SYNDIG1L: variants seen among roughly 807,000 people sequenced by gnomAD.
SYNDIG1L encodes synapse differentiation-inducing gene protein 1-like.
Under a neutral mutation model 20.1 loss-of-function variants are expected in SYNDIG1L, and 13 were observed. That is an observed-to-expected ratio of 0.65 (90% CI 0.42 to 1.03). SYNDIG1L has a LOEUF of 1.03. Among genes scored for constraint, SYNDIG1L ranks in the 50% least tolerant of loss-of-function variants. SYNDIG1L has a pLI of 0.00. For synonymous variants in SYNDIG1L, 128 were observed against 129.3 expected, an observed-to-expected ratio of 0.99 and a Z score of 0.07; for missense variants, 294 against 305.1, an observed-to-expected ratio of 0.96 and a Z score of 0.27.
chr14:74,440,830 A>G, the SYNDIG1L span, among the ~76,000 whole-genome samples: 1 of 152,254 alleles, frequency 6.6e-6, no homozygotes, highest in African/African-American at 2.4e-5. Context: ...ACTAGGCTTT[A>G]AGGCACATAG....
chr14:74,467,753 G>C, the SYNDIG1L span, among the ~76,000 whole-genome samples: 1 of 152,204 alleles, frequency 6.6e-6, no homozygotes, highest in Non-Finnish European at 1.5e-5. Flanking sequence ...GGCTGATGGG[G>C]GGTGTGACCC....
At chr14:74,457,705 C>T in the SYNDIG1L span, among the ~76,000 whole-genome samples, 2 of 152,098 alleles carry the variant, frequency 1.3e-5, no homozygotes, top group East Asian at 1.9e-4. Flanking sequence ...CAAAGCCATA[C>T]GCTCCATTTC....
chr14:74,409,474 A>C lies in SYNDIG1L; in HGVS notation c.271T>G (p.Phe91Val). 6.2e-7 allele frequency: 1 copy of C among 1,613,404 alleles called. No homozygotes were observed. Among genetic ancestry groups the C allele is most frequent in the Non-Finnish European group, 8.5e-7 (1 of 1,179,726 alleles). Residue 91 changes from phenylalanine to valine, a missense_variant, in exon 2 of 4, where the codon TTC becomes GTC. Phe to Val is a conservative substitution (Grantham distance 50, BLOSUM62 -1). Coordinates refer to ENST00000331628, the MANE Select transcript of SYNDIG1L (RefSeq NM_001105579.2). ...TCCTGGGGCTCCCTGTCCTCTGTGA[A>C]GCTTGTCTCACAGCTGCCTGCCCTG... ...EPRAGSCETS[F>V]TEDREPQEGP...
upstream of SYNDIG1L, among the ~76,000 whole-genome samples, chr14:74,429,321 G>A (rs559359396): frequency 1.1e-4 from 17 of 152,380 alleles, no homozygotes; most frequent in South Asian, 3.5e-3. Context: ...CATTCCTTAA[G>A]TGAAATCCAA....
At chr14:74,439,607 G>A in the SYNDIG1L span, among the ~76,000 whole-genome samples, 2 of 152,148 alleles carry the variant, frequency 1.3e-5, no homozygotes, top group Admixed American at 6.5e-5. Flanking sequence ...TAGGCCAGGC[G>A]CAGTGGCTCA....
Position 74,409,666 on chromosome 14 carries a change from C to T in SYNDIG1L, c.79G>A (p.Glu27Lys). ...AHLHGPYPYPETPPSWSCQEK... is the reference protein window; with the variant it reads ...AHLHGPYPYPKTPPSWSCQEK... ...TGGCAGGACCAGCTGGGTGGGGTCT[C>T]CGGGTAGGGATAGGGGCCATGGAGA... is the stretch of plus-strand genomic sequence containing the variant. Residue 27 changes from glutamate (E) to lysine (K), a missense_variant, in exon 2 of 4, where the codon GAG becomes AAG. Transcript: ENST00000331628. 6.7e-7 allele frequency: 1 copy of T among 1,496,966 alleles called. No individual in the cohort carries two copies. The highest frequency in any genetic ancestry group is 8.9e-7 in the Non-Finnish European group (1 of 1,124,000). 92.7% of individuals were successfully genotyped at this position (1,496,966 alleles called of 1,614,324 possible).
At chr14:74,469,698 C>A in the SYNDIG1L span, among the ~76,000 whole-genome samples, 1 of 152,164 alleles carries the variant, frequency 6.6e-6, no homozygotes, top group Admixed American at 6.5e-5. Context: ...TCAGGGGCTA[C>A]TTATGCTCAC....
chr14:74,461,649 TCA>T, the SYNDIG1L span, among the ~76,000 whole-genome samples: 8,111 of 152,116 alleles, frequency 0.053, 299 homozygotes, highest in Non-Finnish European at 0.079. Flanking sequence ...TAAACATGTT[TCA>T]GATTCACTCT....
the SYNDIG1L span, among the ~76,000 whole-genome samples, chr14:74,451,473 G>A: frequency 2.6e-5 from 4 of 152,210 alleles, no homozygotes; most frequent in Non-Finnish European, 5.9e-5. Flanking sequence ...AAAACTTGTA[G>A]AAGATGACAT....
At chr14:74,479,295 C>T in the SYNDIG1L span, 2 of 152,222 alleles carry the variant, frequency 1.3e-5, no homozygotes, top group Non-Finnish European at 2.9e-5. Flanking sequence ...ATGAAAAGAA[C>T]TGGATCAAAT....
the SYNDIG1L span, among the ~76,000 whole-genome samples, chr14:74,463,306 G>A: frequency 6.6e-6 from 1 of 152,108 alleles, no homozygotes; most frequent in African/African-American, 2.4e-5. Context: ...GCCCCTCCAT[G>A]GCTGTAGTCA....
intron 1 of SYNDIG1L, among the ~76,000 whole-genome samples, chr14:74,415,542 A>AT (rs1273768216): frequency 2.0e-5 from 3 of 151,844 alleles, no homozygotes; most frequent in East Asian, 1.9e-4. Context: ...AAATAATAAA[A>AT]TTTTTTTCTT....
intron 1 of SYNDIG1L, among the ~76,000 whole-genome samples, chr14:74,413,181 G>A (rs2086146250): frequency 6.6e-6 from 1 of 152,140 alleles, no homozygotes; most frequent in South Asian, 2.1e-4. Context: ...AGACTTTCTT[G>A]GTCAAAGTAC....
the SYNDIG1L span, chr14:74,476,147 C>A: frequency 2.3e-6 from 1 of 440,862 alleles, no homozygotes; most frequent in Non-Finnish European, 4.1e-6. Flanking sequence ...TATGTTGATC[C>A]ATTTGCAGTA....
chr14:74,447,022 C>T, the SYNDIG1L span, among the ~76,000 whole-genome samples: 1 of 152,226 alleles, frequency 6.6e-6, no homozygotes, highest in South Asian at 2.1e-4. Context: ...AGGAGGATAG[C>T]TTGAGCTAAG....
chr14:74,432,174 T>A, the SYNDIG1L span, among the ~76,000 whole-genome samples: 9 of 144,864 alleles, frequency 6.2e-5, no homozygotes, highest in South Asian at 4.4e-4. Flanking sequence ...TGTGTGTGTG[T>A]GTGTGTGAGA....
chr14:74,423,052 C>CT (rs1004368768), intron 1 of SYNDIG1L, among the ~76,000 whole-genome samples: 13 of 152,032 alleles, frequency 8.6e-5, no homozygotes, highest in Admixed American at 6.6e-4. Context: ...CTCAGCAGCC[C>CT]CCCCGCCCCC....
At chr14:74,440,603 T>C in the SYNDIG1L span, among the ~76,000 whole-genome samples, 1 of 147,668 alleles carries the variant, frequency 6.8e-6, no homozygotes, top group Non-Finnish European at 1.5e-5. Context: ...GAGAATGGCG[T>C]GAACCTGGGA....
chr14:74,469,146 G>A, the SYNDIG1L span, among the ~76,000 whole-genome samples: 1 of 152,096 alleles, frequency 6.6e-6, no homozygotes, highest in African/African-American at 2.4e-5. Context: ...CTAGAAGATG[G>A]CAGGACAGCA....
Sources: allele counts gnomAD v4.1 joint callset (sites outside exome capture counted in the v4.1 genomes callset), GRCh38; gene constraint gnomAD v4.1.1; transcripts MANE v1.5; gene names NCBI Gene and HGNC (gene_info 2026-07-23, HGNC 2026-07-21).